The following EPHA6 variants were observed in gnomAD, a reference collection of about 807,000 sequenced individuals.
The protein encoded by EPHA6 is ephrin type-A receptor 6.
Under a neutral mutation model 112.0 loss-of-function variants are expected in EPHA6, and 50 were observed. That is an observed-to-expected ratio of 0.45 (90% CI 0.36 to 0.56). The LOEUF is 0.56. Among genes scored for constraint, EPHA6 ranks in the 20% least tolerant of loss-of-function variants. The pLI is 0.00. For synonymous variants in EPHA6, 529 were observed against 490.7 expected, an observed-to-expected ratio of 1.08 and a Z score of -1.03; for missense variants, 1,280 against 1,417.4, an observed-to-expected ratio of 0.90 and a Z score of 1.56.
At chr3:96,962,694 A>G (rs967277064) in intron 2 of EPHA6, among the ~76,000 whole-genome samples, 4 of 151,558 alleles carry the variant, frequency 2.6e-5, no homozygotes, top group African/African-American at 9.7e-5. Flanking sequence ...ACAGCCTTAT[A>G]TAAAGAGAAC....
chr3:97,288,111 A>C (rs543434278), intron 5 of EPHA6, among the ~76,000 whole-genome samples: 80 of 152,214 alleles, frequency 5.3e-4, no homozygotes, highest in Non-Finnish European at 1.1e-3. Context: ...TCAATGCAAG[A>C]GTACATGTGC....
At chr3:97,083,082 C>A (rs1430337309) in intron 3 of EPHA6, among the ~76,000 whole-genome samples, 16 of 151,834 alleles carry the variant, frequency 1.1e-4, no homozygotes. Flanking sequence ...ATTATGTAAC[C>A]CCAGCTAATT....
At chr3:97,398,443 G>T (rs1263066835) in intron 5 of EPHA6, among the ~76,000 whole-genome samples, 2 of 151,240 alleles carry the variant, frequency 1.3e-5, no homozygotes, top group Non-Finnish European at 3.0e-5. Context: ...TTTATTAATG[G>T]TGGTTTATTA....
intron 5 of EPHA6, among the ~76,000 whole-genome samples, chr3:97,266,258 A>G (rs933989873): frequency 6.6e-6 from 1 of 152,212 alleles, no homozygotes; most frequent in Non-Finnish European, 1.5e-5. Flanking sequence ...ACATAAAATT[A>G]AAATAATGTG....
chr3:96,855,073 C>G (rs2035615596), intron 1 of EPHA6, among the ~76,000 whole-genome samples: 1 of 152,108 alleles, frequency 6.6e-6, no homozygotes, highest in Non-Finnish European at 1.5e-5. Context: ...CACCCATGTT[C>G]CTCGGCTGCC....
At position 97,233,164 on chromosome 3, in the gene EPHA6, G is replaced by T. The variant is rs187699675; in HGVS notation, c.1270+6745G>T. Reference sequence around the variant, plus strand: ...TTAACAGCCACCTGACCATCACCTGGTCATTGCCTGACATTCTTGGGGTGG... The same window carrying T: ...TTAACAGCCACCTGACCATCACCTGTTCATTGCCTGACATTCTTGGGGTGG... On this transcript the variant is annotated intron_variant, in intron 4 of 17. Coordinates refer to ENST00000389672, the MANE Select transcript of EPHA6 (RefSeq NM_001080448.3). Among the ~76,000 whole-genome samples the T allele has an allele frequency of 4.6e-3, 701 of 152,136 alleles. 1 individual carries two copies. The highest frequency in any genetic ancestry group is 7.3e-3 in the Non-Finnish European group (493 of 67,982).
At chr3:96,937,654 G>T (rs575490310) in intron 2 of EPHA6, among the ~76,000 whole-genome samples, 14 of 151,948 alleles carry the variant, frequency 9.2e-5, no homozygotes, top group African/African-American at 1.5e-4. Flanking sequence ...GTCATTGCTT[G>T]TGGTGTTTTA....
chr3:97,365,491 G>A (rs1577107045), intron 5 of EPHA6, among the ~76,000 whole-genome samples: 1 of 151,842 alleles, frequency 6.6e-6, no homozygotes. Context: ...CCCTGGTTCA[G>A]GGGATTCTCC....
At position 97,695,526 on chromosome 3, in the gene EPHA6, A is replaced by G. The variant is rs116665104; in HGVS notation, c.2785-24735A>G. 3.1e-3 allele frequency among the ~76,000 whole-genome samples: 477 copies of G among 152,294 alleles called. 7 individuals carry two copies. Among genetic ancestry groups the G allele is most frequent in the African/African-American group, 0.011 (445 of 41,556 alleles). ...TTGTAAGACCACCGGTTATGCTATA[A>G]ATCTACAGTCTACAGGTGACACTTT... On this transcript the variant is annotated intron_variant, in intron 14 of 17. Transcript: ENST00000389672.
At chr3:97,483,484 G>A (rs1319250247) in intron 9 of EPHA6, among the ~76,000 whole-genome samples, 1 of 152,146 alleles carries the variant, frequency 6.6e-6, no homozygotes, top group Non-Finnish European at 1.5e-5. Context: ...GGAAAAGGGG[G>A]AGACCACAGG....
intron 3 of EPHA6, among the ~76,000 whole-genome samples, chr3:96,995,243 A>G (rs1413400113): frequency 7.9e-5 from 12 of 152,114 alleles, no homozygotes; most frequent in Non-Finnish European, 1.5e-5. Context: ...AGCAGAGAGC[A>G]TAAAGAAATA....
chr3:97,529,486 G>T (rs2092671129), intron 10 of EPHA6, among the ~76,000 whole-genome samples: 1 of 151,944 alleles, frequency 6.6e-6, no homozygotes, highest in African/African-American at 2.4e-5. Flanking sequence ...AGTTAATTAT[G>T]TACTAACCAG....
At chr3:97,322,303 A>G (rs1217003034) in intron 5 of EPHA6, among the ~76,000 whole-genome samples, 3 of 152,002 alleles carry the variant, frequency 2.0e-5, no homozygotes, top group African/African-American at 7.3e-5. Context: ...GAAATAAAAG[A>G]CAGTTAATTA....
At chr3:97,667,327 G>T (rs1172328008) in intron 14 of EPHA6, among the ~76,000 whole-genome samples, 3 of 152,100 alleles carry the variant, frequency 2.0e-5, no homozygotes, top group Admixed American at 6.6e-5. Flanking sequence ...TGAATACCCA[G>T]ATTAAATCTG....
At chr3:96,850,858 T>C (rs2035339659) in intron 1 of EPHA6, among the ~76,000 whole-genome samples, 1 of 152,050 alleles carries the variant, frequency 6.6e-6, no homozygotes, top group Admixed American at 6.6e-5. Flanking sequence ...TCACAGAGAT[T>C]TTTGTAAGTA....
At chr3:97,661,203 A>G (rs2094167706) in intron 14 of EPHA6, among the ~76,000 whole-genome samples, 2 of 152,164 alleles carry the variant, frequency 1.3e-5, no homozygotes, top group African/African-American at 4.8e-5. Flanking sequence ...AATGGAAAAT[A>G]TTGAGAAGGA....
chr3:97,518,528 C>CT lies in EPHA6; in HGVS notation c.2201-13821dup, dbSNP rs570618227. The stretch of plus-strand genomic sequence containing the variant: ...TGTGGTCGTTCTTTTGTTTGTTTGC[C>CT]TTTTTTTTTCTTTTTGAGAGATCCT... On this transcript the variant is annotated intron_variant, in intron 10 of 17. Transcript: ENST00000389672. Among the ~76,000 whole-genome samples the CT allele has an allele frequency of 1.1e-3, 160 of 150,254 alleles. 2 individuals are homozygous for CT. The highest frequency in any genetic ancestry group is 9.7e-3 in the Admixed American group (146 of 15,066).
In EPHA6 at chr3:97,005,939, A is replaced by T. The variant is rs1351325691; in HGVS notation, c.1114+17946A>T. ...TACATTTATCGATTTGGGTATGTTG[A>T]ACCAGCCTTGCATCCCAGGGATGAA... On this transcript the variant is annotated intron_variant, in intron 3 of 17. Transcript: ENST00000389672. Among the ~76,000 whole-genome samples the T allele has an allele frequency of 3.3e-5, 5 of 152,282 alleles. No homozygotes were observed. In the South Asian group the frequency reaches 6.2e-4, roughly 19 times the overall value.
intron 6 of EPHA6, 124 bp from the exon 7 acceptor site, chr3:97,448,444 A>G: frequency 1.0e-6 from 1 of 995,206 alleles, no homozygotes; most frequent in South Asian, 1.6e-5. Flanking sequence ...CCATGCTAAC[A>G]CTACTTTGTA....
Sources: allele counts gnomAD v4.1 joint callset (sites outside exome capture counted in the v4.1 genomes callset), GRCh38; gene constraint gnomAD v4.1.1; transcripts MANE v1.5; gene names NCBI Gene and HGNC (gene_info 2026-07-23, HGNC 2026-07-21).